Variants in KCNIP4 observed in about 807,000 individuals in gnomAD.
The protein encoded by KCNIP4 is potassium voltage-gated channel interacting protein 4.
A neutral mutation model predicts 34.0 loss-of-function variants in KCNIP4; 12 were observed. The ratio of observed to expected loss-of-function variants is 0.35; its 90% CI spans 0.23 to 0.57. The LOEUF (loss-of-function observed/expected upper bound fraction) is 0.57. Ranked by LOEUF, KCNIP4 falls within the 20% of genes least tolerant of loss-of-function variation. The pLI is 0.83. For missense variants in KCNIP4, 238 were observed against 311.7 expected (o/e 0.76, Z 1.78); for synonymous variants, 124 against 102.2 (o/e 1.21, Z -1.29).
chr4:21,100,564 T>C (rs576889059), intron 1 of KCNIP4, among the ~76,000 whole-genome samples: 2 of 151,768 alleles, frequency 1.3e-5, no homozygotes, highest in South Asian at 2.1e-4. Flanking sequence ...AAAAAATAAA[T>C]AAATAAAAAT....
chr4:21,303,795 G>T (rs902379127), intron 1 of KCNIP4: 2 of 1,606,698 alleles, frequency 1.2e-6, no homozygotes, highest in Non-Finnish European at 1.7e-6. Flanking sequence ...TCACTAAAAA[G>T]CACTCCCTTA....
intron 1 of KCNIP4, among the ~76,000 whole-genome samples, chr4:20,923,678 G>A (rs1382511660): frequency 6.6e-6 from 1 of 152,116 alleles, no homozygotes; most frequent in Non-Finnish European, 1.5e-5. Context: ...AAGCAAACAT[G>A]CACTTATTTC....
intron 1 of KCNIP4, among the ~76,000 whole-genome samples, chr4:21,617,222 T>C (rs1366015830): frequency 6.6e-6 from 1 of 152,200 alleles, no homozygotes; most frequent in East Asian, 1.9e-4. Flanking sequence ...ATTTCTAAAA[T>C]GTAAATATCA....
intron 1 of KCNIP4, among the ~76,000 whole-genome samples, chr4:21,872,252 T>C (rs1464244725): frequency 6.6e-6 from 1 of 152,138 alleles, no homozygotes; most frequent in Non-Finnish European, 1.5e-5. Context: ...CCAACCCACC[T>C]ACCTTCTTTC....
At chr4:21,866,628 C>T (rs1578088713) in intron 1 of KCNIP4, among the ~76,000 whole-genome samples, 1 of 152,252 alleles carries the variant, frequency 6.6e-6, no homozygotes, top group East Asian at 1.9e-4. Flanking sequence ...CTGTCCTTAT[C>T]CATGCACATC....
intron 1 of KCNIP4, among the ~76,000 whole-genome samples, chr4:21,621,640 G>C (rs1266000099): frequency 1.3e-5 from 2 of 152,056 alleles, no homozygotes; most frequent in Non-Finnish European, 2.9e-5. Context: ...TTAGAGGCAC[G>C]AGCCACCATG....
At chr4:20,811,512 TGTGCGC>T (rs747640885) in intron 3 of KCNIP4, among the ~76,000 whole-genome samples, 12 of 49,542 alleles carry the variant, frequency 2.4e-4, no homozygotes, top group East Asian at 7.8e-4. Flanking sequence ...TGTGTGTGTG[TGTGCGC>T]GCGCGCACGC....
At chr4:20,912,808 A>G (rs991735667) in intron 1 of KCNIP4, among the ~76,000 whole-genome samples, 15 of 152,186 alleles carry the variant, frequency 9.9e-5, no homozygotes, top group Non-Finnish European at 2.1e-4. Context: ...TCATTAGGAA[A>G]ATTGAAATCA....
Position 20,728,934 on chromosome 4 carries a change from T to C in KCNIP4, c.*1148A>G, listed in dbSNP as rs1320648361. Reference sequence around the variant, plus strand: ...TTGGCTAAGATGATTAAAAATAATCTGAATTATGATGAGCTAAATCATACT... The same window carrying C: ...TTGGCTAAGATGATTAAAAATAATCCGAATTATGATGAGCTAAATCATACT... On this transcript the variant is annotated 3_prime_UTR_variant, in exon 9 of 9. Coordinates refer to ENST00000382152, the MANE Select transcript of KCNIP4 (RefSeq NM_025221.6). 6.6e-6 allele frequency: 1 copy of C among 152,136 alleles called. No individual in the cohort carries two copies. The highest frequency in any genetic ancestry group is 2.4e-5 in the African/African-American group (1 of 41,338). The allele number at this position is 152,136 out of a possible 1,614,324, so 9.4% of individuals were successfully genotyped here. A position where few individuals can be genotyped will look rare whatever the true frequency, so the allele number is the denominator to read the frequency against.
chr4:20,812,226 T>C (rs979918119), intron 3 of KCNIP4, among the ~76,000 whole-genome samples: 1 of 151,994 alleles, frequency 6.6e-6, no homozygotes, highest in Non-Finnish European at 1.5e-5. Context: ...ATAGGGGAGA[T>C]TGGAATATAT....
At chr4:20,924,794 C>T (rs1027079847) in intron 1 of KCNIP4, among the ~76,000 whole-genome samples, 29 of 152,132 alleles carry the variant, frequency 1.9e-4, no homozygotes, top group Admixed American at 5.9e-4. Context: ...TTAACTCCAT[C>T]GACTGCTCTA....
intron 3 of KCNIP4, among the ~76,000 whole-genome samples, chr4:20,773,656 A>T (rs1276015567): frequency 6.6e-6 from 1 of 152,096 alleles, no homozygotes; most frequent in Non-Finnish European, 1.5e-5. Context: ...TTCTTAAGGG[A>T]TTGTTCTTTT....
chr4:20,922,020 A>G (rs1729433497), intron 1 of KCNIP4, among the ~76,000 whole-genome samples: 1 of 152,224 alleles, frequency 6.6e-6, no homozygotes, highest in African/African-American at 2.4e-5. Context: ...AGATGATGTG[A>G]GCAAAAATAA....
chr4:21,382,797 G>C (rs562812237), intron 1 of KCNIP4, among the ~76,000 whole-genome samples: 1 of 152,236 alleles, frequency 6.6e-6, no homozygotes, highest in East Asian at 1.9e-4. Flanking sequence ...CACATCCTTT[G>C]ATATAACCAT....
chr4:21,816,488 C>T (rs1381804137), intron 1 of KCNIP4, among the ~76,000 whole-genome samples: 2 of 152,138 alleles, frequency 1.3e-5, no homozygotes, highest in African/African-American at 4.8e-5. Flanking sequence ...AGGAGAACTT[C>T]AAAAGCCAAG....
intron 1 of KCNIP4, among the ~76,000 whole-genome samples, chr4:21,786,862 G>A (rs559421241): frequency 3.3e-5 from 5 of 152,038 alleles, no homozygotes; most frequent in South Asian, 2.1e-4. Flanking sequence ...ACCGTGCCCC[G>A]CCGAGAGTAA....
chr4:21,783,419 T>A (rs1414567164), intron 1 of KCNIP4, among the ~76,000 whole-genome samples: 4 of 152,166 alleles, frequency 2.6e-5, no homozygotes, highest in African/African-American at 9.6e-5. Context: ...CAGGCCTAAA[T>A]ATAAATAATG....
intron 1 of KCNIP4, among the ~76,000 whole-genome samples, chr4:21,258,870 A>T (rs1031727672): frequency 2.6e-5 from 4 of 152,194 alleles, no homozygotes; most frequent in Admixed American, 2.6e-4. Context: ...ACAGATTTTA[A>T]AAAACCCAGT....
chr4:20,990,109 G>A (rs1349051434), intron 1 of KCNIP4, among the ~76,000 whole-genome samples: 1 of 152,156 alleles, frequency 6.6e-6, no homozygotes, highest in Non-Finnish European at 1.5e-5. Context: ...ACAAAGACAA[G>A]GTCAGTGTAT....
Sources: gnomAD v4.1 joint callset for allele counts (sites outside exome capture counted in the v4.1 genomes callset) on GRCh38, gnomAD v4.1.1 for gene constraint, MANE v1.5 for transcripts, NCBI Gene and HGNC (gene_info 2026-07-23, HGNC 2026-07-21) for gene names.